Variants in TRPM3 observed in about 807,000 individuals in gnomAD.
The protein encoded by TRPM3 is long transient receptor potential channel 3.
Under a neutral mutation model 181.2 loss-of-function variants are expected in TRPM3, and 77 were observed. That is an observed-to-expected ratio of 0.42 (90% confidence interval 0.35 to 0.51). TRPM3 has a LOEUF of 0.51. Ranked by LOEUF, TRPM3 falls within the 20% of genes least tolerant of loss-of-function variation. The pLI, the probability that TRPM3 is intolerant of heterozygous loss-of-function variation, is 0.01. For missense variants in TRPM3, 1,759 were observed against 2,196.7 expected, an observed-to-expected ratio of 0.80 and a Z score of 3.98; for synonymous variants, 745 against 796.4, an observed-to-expected ratio of 0.94 and a Z score of 1.09.
intron 1 of TRPM3, among the ~76,000 whole-genome samples, chr9:71,008,134 G>C (rs911845453): frequency 2.3e-4 from 35 of 151,974 alleles, no homozygotes; most frequent in Admixed American, 1.0e-3. Flanking sequence ...AGACTATTAT[G>C]AAGAGCTATA....
At chr9:71,329,191 A>T (rs1335473920) in intron 1 of TRPM3, among the ~76,000 whole-genome samples, 3 of 152,246 alleles carry the variant, frequency 2.0e-5, no homozygotes, top group African/African-American at 7.2e-5. Context: ...CAATCCCAGA[A>T]TAGTGATGTA....
exon 1 of TRPM3, chr9:71,446,813 G>T: frequency 6.5e-7 from 1 of 1,548,192 alleles, no homozygotes; most frequent in Non-Finnish European, 8.7e-7. Context: ...CATTTCCGCC[G>T]CATCCCTCCA....
intron 1 of TRPM3, among the ~76,000 whole-genome samples, chr9:71,345,564 G>T (rs2091246126): frequency 6.6e-6 from 1 of 151,518 alleles, no homozygotes. Context: ...ACAGAGAGGG[G>T]AACATCACAC....
At chr9:71,298,194 A>G (rs1421903744) in intron 1 of TRPM3, among the ~76,000 whole-genome samples, 1 of 152,176 alleles carries the variant, frequency 6.6e-6, no homozygotes, top group Non-Finnish European at 1.5e-5. Context: ...TATAAATATC[A>G]GAGCAGAATA....
intron 1 of TRPM3, among the ~76,000 whole-genome samples, chr9:71,211,754 A>G (rs2079520719): frequency 6.6e-6 from 1 of 152,170 alleles, no homozygotes; most frequent in African/African-American, 2.4e-5. Context: ...TTATAAGAAC[A>G]TCAGCTACTG....
chr9:71,076,268 G>T (rs1305855446), intron 1 of TRPM3, among the ~76,000 whole-genome samples: 2 of 152,136 alleles, frequency 1.3e-5, no homozygotes, highest in African/African-American at 2.4e-5. Context: ...CCAGAAAAAC[G>T]CTATGAATCA....
chr9:71,191,167 C>T (rs904240516), intron 1 of TRPM3, among the ~76,000 whole-genome samples: 1 of 151,746 alleles, frequency 6.6e-6, no homozygotes, highest in Non-Finnish European at 1.5e-5. Context: ...AATACTGATT[C>T]CAAGCCCTCT....
intron 1 of TRPM3, among the ~76,000 whole-genome samples, chr9:71,402,270 C>A (rs1565537307): frequency 6.6e-6 from 1 of 152,148 alleles, no homozygotes; most frequent in Non-Finnish European, 1.5e-5. Flanking sequence ...CAAAATCTTG[C>A]CTCTTTAGTA....
At chr9:71,273,271 A>G (rs1436834529) in intron 1 of TRPM3, among the ~76,000 whole-genome samples, 1 of 152,218 alleles carries the variant, frequency 6.6e-6, no homozygotes. Flanking sequence ...TTTATCGGAT[A>G]GATGTTTGGT....
Position 71,313,111 on chromosome 9 carries a change from G to A in TRPM3, c.183+133542C>T, listed in dbSNP as rs185289519. On this transcript the variant is annotated intron_variant, in intron 1 of 24. Transcript: ENST00000357533. The stretch of plus-strand genomic sequence containing the variant: ...TTAATGCACCTGCACCTCCTCTGGC[G>A]CAGGTGGTTGATAGTCGGGGAGGCT... 4.6e-5 allele frequency among the ~76,000 whole-genome samples: 7 copies of A among 152,154 alleles called. No individual in the cohort carries two copies. The East Asian group carries it at 5.8e-4, about 13-fold the overall frequency.
chr9:71,078,084 CAAAA>C (rs1025726156), intron 1 of TRPM3, among the ~76,000 whole-genome samples: 2 of 151,822 alleles, frequency 1.3e-5, no homozygotes, highest in Non-Finnish European at 2.9e-5. Flanking sequence ...CGCTTGTGGG[CAAAA>C]ACATACTTGG....
chr9:70,776,328 G>GA, intron 7 of TRPM3: 1 of 622,756 alleles, frequency 1.6e-6, no homozygotes, highest in South Asian at 2.0e-5. Flanking sequence ...GCTGGGGTAG[G>GA]ACACTGCAGA....
intron 8 of TRPM3, among the ~76,000 whole-genome samples, chr9:70,744,404 T>A (rs896423630): frequency 1.3e-5 from 2 of 152,012 alleles, no homozygotes; most frequent in East Asian, 3.8e-4. Flanking sequence ...ATTTGTATAG[T>A]CTTCCCCAAT....
rs370969175 is a variant in TRPM3, at chr9:70,681,620, C to A, written c.1273-42G>T. ...GGTGATCATTAGCAAAGCATTTTTC[C>A]CCCAAGAGAAATTAAATCAATGAGA... On this transcript the variant is annotated intron_variant, in intron 8 of 25. Coordinates refer to ENST00000677713, the MANE Select transcript of TRPM3 (RefSeq NM_001366145.2). 443 of 1,561,556 alleles carry A rather than the reference C, an allele frequency of 2.8e-4. 1 individual carries two copies. The highest frequency in any genetic ancestry group is 2.5e-3 in the South Asian group (223 of 89,962).
At chr9:70,609,510 C>T (rs1474992508) in intron 19 of TRPM3, among the ~76,000 whole-genome samples, 1 of 152,198 alleles carries the variant, frequency 6.6e-6, no homozygotes, top group Non-Finnish European at 1.5e-5. Context: ...CACAAGGGAA[C>T]ATTTAGCAAT....
At chr9:71,167,551 T>C (rs1009208250) in intron 1 of TRPM3, among the ~76,000 whole-genome samples, 1 of 152,170 alleles carries the variant, frequency 6.6e-6, no homozygotes, top group Non-Finnish European at 1.5e-5. Context: ...CTCTGCCACA[T>C]AGTAATAACA....
chr9:70,801,648 T>G (rs2089103821), intron 6 of TRPM3, among the ~76,000 whole-genome samples: 1 of 151,916 alleles, frequency 6.6e-6, no homozygotes, highest in South Asian at 2.1e-4. Flanking sequence ...AGACATGCAA[T>G]GGGTGCTTTG....
intron 1 of TRPM3, among the ~76,000 whole-genome samples, chr9:71,319,726 T>A (rs2132457308): frequency 6.6e-6 from 1 of 152,180 alleles, no homozygotes; most frequent in African/African-American, 2.4e-5. Context: ...TAATATAATA[T>A]TATTCAAAAA....
intron 1 of TRPM3, among the ~76,000 whole-genome samples, chr9:71,076,629 G>C (rs1313108296): frequency 6.6e-6 from 1 of 152,190 alleles, no homozygotes; most frequent in Non-Finnish European, 1.5e-5. Flanking sequence ...GAAATCAGGG[G>C]AGAAAGGCAG....
Sources: allele counts gnomAD v4.1 joint callset (sites outside exome capture counted in the v4.1 genomes callset), GRCh38; gene constraint gnomAD v4.1.1; transcripts MANE v1.5; gene names NCBI Gene and HGNC (gene_info 2026-07-23, HGNC 2026-07-21).